Variants in STPG2 observed in about 807,000 individuals in gnomAD.
STPG2 encodes sperm tail PG-rich repeat containing 2, also known as sperm-tail PG-rich repeat-containing protein 2.
Under a neutral mutation model 54.2 loss-of-function variants are expected in STPG2, and 56 were observed. That is an observed-to-expected ratio of 1.03 (90% CI 0.83 to 1.29). The LOEUF is 1.29. STPG2 is among the 50% of genes most tolerant of loss of function. The pLI is 0.00. For missense variants in STPG2, 596 were observed against 544.9 expected (o/e 1.09, Z -0.93); for synonymous variants, 200 against 181.8 (o/e 1.10, Z -0.81).
At chr4:97,884,797 A>C (rs1730503374) in intron 8 of STPG2, among the ~76,000 whole-genome samples, 1 of 152,140 alleles carries the variant, frequency 6.6e-6, no homozygotes, top group South Asian at 2.1e-4. Flanking sequence ...AAGAGTTTTA[A>C]ACACTTCTAA....
At chr4:97,848,177 A>G (rs72881467) in intron 8 of STPG2, among the ~76,000 whole-genome samples, 2,305 of 152,290 alleles carry the variant, frequency 0.015, 55 homozygotes, top group African/African-American at 0.053. Flanking sequence ...AAGCCAGTTC[A>G]AGTAGTATCT....
At chr4:97,773,852 A>G (rs1315857421) in intron 9 of STPG2, among the ~76,000 whole-genome samples, 1 of 152,116 alleles carries the variant, frequency 6.6e-6, no homozygotes, top group Non-Finnish European at 1.5e-5. Flanking sequence ...CAAATAAACT[A>G]TTAAAAATAT....
chr4:97,616,654 T>G (rs1214879147), intron 10 of STPG2, among the ~76,000 whole-genome samples: 2 of 152,110 alleles, frequency 1.3e-5, no homozygotes, highest in African/African-American at 4.8e-5. Flanking sequence ...ATTTAATTTG[T>G]TGTTTGTCAA....
chr4:97,995,666 G>A (rs1469677982), intron 5 of STPG2, among the ~76,000 whole-genome samples: 1 of 152,162 alleles, frequency 6.6e-6, no homozygotes, highest in East Asian at 1.9e-4. Flanking sequence ...GAATACAGAT[G>A]TTGAGCTAAA....
chr4:97,668,945 G>A (rs984522618), intron 10 of STPG2, among the ~76,000 whole-genome samples: 1 of 151,930 alleles, frequency 6.6e-6, no homozygotes, highest in Non-Finnish European at 1.5e-5. Flanking sequence ...AAATAGGACA[G>A]GGCAGAATTC....
intron 5 of STPG2, among the ~76,000 whole-genome samples, chr4:97,999,653 C>T (rs936757043): frequency 1.3e-5 from 2 of 151,722 alleles, no homozygotes; most frequent in Admixed American, 1.3e-4. Context: ...GAGCTGAGAT[C>T]ATGCCACTAC....
At chr4:97,498,456 G>A (rs1292803607) in intron 4 of STPG2, among the ~76,000 whole-genome samples, 2 of 151,762 alleles carry the variant, frequency 1.3e-5, no homozygotes, top group Admixed American at 1.3e-4. Context: ...ATGTAATACT[G>A]TTGAATTTTG....
intron 3 of STPG2, among the ~76,000 whole-genome samples, chr4:98,119,188 T>C (rs1048841639): frequency 7.9e-5 from 12 of 152,088 alleles, no homozygotes; most frequent in African/African-American, 2.9e-4. Context: ...GAGTTAAAAC[T>C]AGAAGTCACC....
intron 5 of STPG2, among the ~76,000 whole-genome samples, chr4:98,017,520 T>G (rs1284136777): frequency 2.6e-5 from 4 of 152,224 alleles, no homozygotes; most frequent in Non-Finnish European, 5.9e-5. Context: ...CAGGTTGGGG[T>G]GAGGGGTTAT....
At chr4:97,907,956 G>T (rs1467520174) in intron 8 of STPG2, among the ~76,000 whole-genome samples, 1 of 152,174 alleles carries the variant, frequency 6.6e-6, no homozygotes, top group Non-Finnish European at 1.5e-5. Flanking sequence ...TCATAGGCTT[G>T]GGCAAGGTCT....
intron 8 of STPG2, among the ~76,000 whole-genome samples, chr4:97,923,130 C>T (rs919775434): frequency 2.0e-5 from 3 of 152,268 alleles, no homozygotes; most frequent in Non-Finnish European, 2.9e-5. Flanking sequence ...GGCACCTCCT[C>T]GGCCTGGGCG....
At chr4:97,744,526 T>C (rs1014699585) in intron 9 of STPG2, among the ~76,000 whole-genome samples, 2 of 151,500 alleles carry the variant, frequency 1.3e-5, no homozygotes, top group Admixed American at 6.6e-5. Flanking sequence ...TACTATTAGA[T>C]TCTTATTACT....
At position 97,988,095 on chromosome 4, in the gene STPG2, A is replaced by G. The variant is rs572620375; in HGVS notation, c.613-6777T>C. 1.4e-4 allele frequency among the ~76,000 whole-genome samples: 21 copies of G among 149,886 alleles called. No individual in the cohort carries two copies. The South Asian group carries it at 4.2e-3, about 30-fold the overall frequency. ...TACCTCTCTAACCTCATCTCCTACT[A>G]CCATCTCCCCTCATTCACTTTGCTA... On this transcript the variant is annotated intron_variant, in intron 5 of 10. Coordinates refer to ENST00000295268, the MANE Select transcript of STPG2 (RefSeq NM_174952.3).
At chr4:97,560,881 T>A (rs996394396) in intron 10 of STPG2, among the ~76,000 whole-genome samples, 2 of 152,194 alleles carry the variant, frequency 1.3e-5, no homozygotes, top group East Asian at 1.9e-4. Context: ...CTCATTCTTG[T>A]CATTAGAAAG....
At chr4:97,716,040 A>T (rs779032864) in intron 9 of STPG2, among the ~76,000 whole-genome samples, 1 of 152,218 alleles carries the variant, frequency 6.6e-6, no homozygotes, top group Non-Finnish European at 1.5e-5. Context: ...GGATATGAAC[A>T]GACACTTCTC....
intron 1 of STPG2, among the ~76,000 whole-genome samples, chr4:98,139,009 G>C (rs759314342): frequency 2.2e-4 from 33 of 152,114 alleles, no homozygotes; most frequent in Non-Finnish European, 4.4e-4. Context: ...CATTATACTA[G>C]GCTGGTTGTC....
chr4:97,942,843 C>T (rs1015685372), intron 8 of STPG2, among the ~76,000 whole-genome samples: 1 of 152,164 alleles, frequency 6.6e-6, no homozygotes, highest in Non-Finnish European at 1.5e-5. Flanking sequence ...GTTTAATAAT[C>T]CTGTTTTGAA....
chr4:97,825,032 GTT>G (rs890942277), intron 9 of STPG2, among the ~76,000 whole-genome samples: 12 of 149,760 alleles, frequency 8.0e-5, no homozygotes, highest in African/African-American at 2.7e-4. Flanking sequence ...AAATTTAAAA[GTT>G]TTTTTTTTAA....
chr4:97,745,605 T>C (rs1725400171), intron 9 of STPG2, among the ~76,000 whole-genome samples: 1 of 151,148 alleles, frequency 6.6e-6, no homozygotes. Context: ...ATAAATAAAA[T>C]GTCTAAAAAA....
Sources: allele counts gnomAD v4.1 joint callset (sites outside exome capture counted in the v4.1 genomes callset), GRCh38; gene constraint gnomAD v4.1.1; transcripts MANE v1.5; gene names NCBI Gene and HGNC (gene_info 2026-07-23, HGNC 2026-07-21).